The following ITCH variants were observed in gnomAD, a reference collection of about 807,000 sequenced individuals.
ITCH encodes the protein E3 ubiquitin-protein ligase Itchy homolog.
Under a neutral mutation model 126.8 loss-of-function variants are expected in ITCH, and 28 were observed. The observed-to-expected ratio is 0.22, with a 90% CI of 0.16 to 0.30. The LOEUF (loss-of-function observed/expected upper bound fraction) is 0.30, where lower values mean the gene tolerates loss of function less well. ITCH is among the 10% of genes least tolerant of loss of function. The pLI is 1.00. For synonymous variants in ITCH, 342 were observed against 340.0 expected, an observed-to-expected ratio of 1.01 and a Z score of -0.06; for missense variants, 631 against 1,032.4, an observed-to-expected ratio of 0.61 and a Z score of 5.33.
chr20:34,476,767 C>G, intron 16 of ITCH: 1 of 179,452 alleles, frequency 5.6e-6, no homozygotes, highest in Non-Finnish European at 1.2e-5. Context: ...TCTTATCACT[C>G]AATAAAGTAT....
At position 34,449,420 on chromosome 20, in the gene ITCH, T is replaced by G. The variant is rs750277686; in HGVS notation, c.1150T>G (p.Leu384Val). 2 of 1,608,432 alleles carry G rather than the reference T, an allele frequency of 1.2e-6. No homozygotes were observed. The highest frequency in any genetic ancestry group is 1.3e-5 in the African/African-American group (1 of 74,802). ...TTTTGGTTCTTTTTAGAATCAAGAT[T>G]TATTTGCTACATCACAAAGTAAAGA... ...NQRFIYGNQD[L>V]FATSQSKEFD... is the part of the protein sequence containing the mutation. The change falls in exon 12 of 25, where the codon TTA becomes GTA. Residue 384 changes from leucine (L) to valine (V), a missense_variant. This residue lies in a region of ITCH where 390 missense variants were observed against 731.6 expected (regional missense o/e 0.53). Transcript: ENST00000374864.
At chr20:34,480,472 G>A in intron 18 of ITCH, 127 bp from the exon 19 acceptor site, 1 of 1,130,756 alleles carries the variant, frequency 8.8e-7, no homozygotes, top group Non-Finnish European at 1.3e-6. Context: ...AGATTGCTGG[G>A]ATTACAGGCG....
At chr20:34,413,249 ATT>A (rs1282520366) in intron 5 of ITCH, among the ~76,000 whole-genome samples, 1 of 152,170 alleles carries the variant, frequency 6.6e-6, no homozygotes, top group East Asian at 1.9e-4. Flanking sequence ...GTATATGTAT[ATT>A]TATATAATGT....
chr20:34,382,932 C>T lies in ITCH; in HGVS notation c.-21-10859C>T, dbSNP rs374351400. ...CTAATTTTTGTATTTTTAGTAGAAACGGAGTTTCACCATGTTGGTCAGGCT... is the reference window on the plus strand; with the variant it reads ...CTAATTTTTGTATTTTTAGTAGAAATGGAGTTTCACCATGTTGGTCAGGCT... On this transcript the variant is annotated intron_variant, in intron 2 of 24. Coordinates refer to ENST00000374864, the MANE Select transcript of ITCH (RefSeq NM_031483.7). 2.0e-3 allele frequency among the ~76,000 whole-genome samples: 306 copies of T among 150,510 alleles called. 10 individuals are homozygous for T. In the South Asian group the frequency reaches 0.044, roughly 21 times the overall value.
At chr20:34,427,316 T>G (rs1981669928) in intron 7 of ITCH, among the ~76,000 whole-genome samples, 1 of 152,220 alleles carries the variant, frequency 6.6e-6, no homozygotes, top group African/African-American at 2.4e-5. Context: ...CCGGTCATGG[T>G]AGCTCACACC....
intron 24 of ITCH, among the ~76,000 whole-genome samples, chr20:34,505,712 C>T (rs902825023): frequency 1.3e-5 from 2 of 152,030 alleles, no homozygotes; most frequent in Non-Finnish European, 2.9e-5. Flanking sequence ...TGCACCACCA[C>T]GCATGGCTAA....
At chr20:34,475,168 A>G (rs1322275910) in intron 16 of ITCH, among the ~76,000 whole-genome samples, 1 of 148,752 alleles carries the variant, frequency 6.7e-6, no homozygotes, top group Non-Finnish European at 1.5e-5. Context: ...CTCACTTTCC[A>G]GACTGGGCAG....
chr20:34,387,328 G>C (rs1045654574), intron 2 of ITCH, among the ~76,000 whole-genome samples: 2 of 150,764 alleles, frequency 1.3e-5, no homozygotes, highest in Non-Finnish European at 3.0e-5. Flanking sequence ...AATTTATAAA[G>C]TGCTAAGTAT....
At chr20:34,476,159 A>T in intron 16 of ITCH, 4 of 808,434 alleles carry the variant, frequency 4.9e-6, no homozygotes, top group South Asian at 2.7e-5. Flanking sequence ...GTTCCCTCAC[A>T]TGCACCAAAG....
rs1978450917 is a variant in ITCH, at chr20:34,508,807, C to T, written c.*1013C>T. 6.6e-6 allele frequency: 1 copy of T among 152,088 alleles called. No individual in the cohort carries two copies. Among genetic ancestry groups the T allele is most frequent in the Non-Finnish European group, 1.5e-5 (1 of 68,012 alleles). 9.4% of individuals were successfully genotyped at this position (152,088 alleles called of 1,614,324 possible). On this transcript the variant is annotated 3_prime_UTR_variant, in exon 25 of 25. Coordinates refer to ENST00000374864, the MANE Select transcript of ITCH (RefSeq NM_031483.7). ...TAGTTTTATCATAATCCAACAACTT[C>T]AGTTATATTTAATTATTGTTAAGGA...
intron 14 of ITCH, among the ~76,000 whole-genome samples, chr20:34,462,753 A>G (rs1431043444): frequency 6.6e-6 from 1 of 152,188 alleles, no homozygotes; most frequent in African/African-American, 2.4e-5. Flanking sequence ...GAAACACTGT[A>G]CCCTTTAAAC....
In ITCH at chr20:34,479,648, G is replaced by A. The variant is rs199629170; in HGVS notation, c.1677G>A (p.Leu559=). 1.7e-5 allele frequency: 28 copies of A among 1,613,812 alleles called. No homozygotes were observed. The East Asian group carries it at 6.2e-4, about 36-fold the overall frequency. ...ATTTCAGAGAATGGTTCTTTCTTTT[G>A]TCACATGAAGTGTTGAACCCAATGT... ...GGVAREWFFL[L]SHEVLNPMYC... Residue 559 remains leucine (L), a synonymous_variant, in exon 18 of 25, where the codon TTG becomes TTA. Transcript: ENST00000374864.
chr20:34,409,616 G>A (rs913925733), intron 4 of ITCH, among the ~76,000 whole-genome samples: 2 of 152,010 alleles, frequency 1.3e-5, no homozygotes, highest in African/African-American at 4.8e-5. Context: ...CCCTTATATA[G>A]CTTTGTAATA....
At chr20:34,476,223 T>C (rs1042914301) in intron 16 of ITCH, 8 of 806,794 alleles carry the variant, frequency 9.9e-6, no homozygotes, top group Non-Finnish European at 1.6e-5. Flanking sequence ...AATCACCAAC[T>C]TTTCCTTTGG....
intron 1 of ITCH, among the ~76,000 whole-genome samples, chr20:34,365,710 T>C (rs1450999012): frequency 1.3e-5 from 2 of 152,214 alleles, no homozygotes; most frequent in Non-Finnish European, 2.9e-5. Flanking sequence ...CCGCCACTCC[T>C]GGCCCTAAAA....
intron 7 of ITCH, among the ~76,000 whole-genome samples, chr20:34,436,315 C>G (rs898122277): frequency 2.0e-4 from 30 of 152,182 alleles, no homozygotes; most frequent in African/African-American, 6.8e-4. Flanking sequence ...CATAACTCAT[C>G]AGTAGCAGAG....
chr20:34,420,959 C>A (rs776539436), intron 6 of ITCH, among the ~76,000 whole-genome samples: 2 of 152,154 alleles, frequency 1.3e-5, no homozygotes, highest in African/African-American at 2.4e-5. Flanking sequence ...TGGATCAGAC[C>A]CTTGCCAGCC....
chr20:34,457,241 A>G, intron 12 of ITCH, 149 bp from the exon 13 acceptor site: 1 of 666,828 alleles, frequency 1.5e-6, no homozygotes, highest in South Asian at 1.7e-5. Context: ...TAGTCAATAA[A>G]TTAAACCTTT....
chr20:34,483,464 C>G (rs1178082229), intron 20 of ITCH, among the ~76,000 whole-genome samples: 1 of 152,210 alleles, frequency 6.6e-6, no homozygotes, highest in Admixed American at 6.5e-5. Flanking sequence ...GTACAATCGT[C>G]TCTCTCAAGT....
Sources: allele counts gnomAD v4.1 joint callset (sites outside exome capture counted in the v4.1 genomes callset), GRCh38; gene constraint gnomAD v4.1.1; regional missense constraint gnomAD v4.1.1; transcripts MANE v1.5; gene names NCBI Gene and HGNC (gene_info 2026-07-23, HGNC 2026-07-21).